INSL6: variants seen among roughly 807,000 people sequenced by gnomAD.
The protein encoded by INSL6 is insulin like 6.
Under a neutral mutation model 9.4 loss-of-function variants are expected in INSL6, and 16 were observed. That is an observed-to-expected ratio of 1.70 (90% CI 1.15 to 2.59). INSL6 has a LOEUF of 2.59. INSL6 is among the 30% of genes most tolerant of loss of function. The pLI is 0.00. For missense variants in INSL6, 391 were observed against 257.3 expected (o/e 1.52, Z -3.56); for synonymous variants, 154 against 96.9 (o/e 1.59, Z -3.46).
intron 1 of INSL6, among the ~76,000 whole-genome samples, chr9:5,172,735 C>G (rs745688782): frequency 2.6e-5 from 4 of 152,128 alleles, no homozygotes; most frequent in Non-Finnish European, 5.9e-5. Context: ...CGAGACCAGT[C>G]TGGCCAATGT....
At chr9:5,112,657 T>C in the INSL6 span, 1 of 975,102 alleles carries the variant, frequency 1.0e-6, no homozygotes, top group Non-Finnish European at 1.4e-6. Context: ...CCAAACTCCT[T>C]ATCCTGCACC....
chr9:5,011,739 A>G, the INSL6 span, among the ~76,000 whole-genome samples: 2 of 152,180 alleles, frequency 1.3e-5, no homozygotes, highest in African/African-American at 2.4e-5. Flanking sequence ...GTGGATTTCA[A>G]TCTTTCTCTG....
chr9:5,115,273 A>T, the INSL6 span, among the ~76,000 whole-genome samples: 2 of 152,196 alleles, frequency 1.3e-5, no homozygotes, highest in African/African-American at 4.8e-5. Flanking sequence ...CACTTCTCAA[A>T]AGAAGACATT....
At chr9:5,044,343 G>C in the INSL6 span, 1 of 994,858 alleles carries the variant, frequency 1.0e-6, no homozygotes, top group Non-Finnish European at 1.6e-6. Flanking sequence ...ACTATATATA[G>C]ATAGTACGTT....
chr9:5,120,267 G>A (rs1213766183), downstream of INSL6, among the ~76,000 whole-genome samples: 1 of 152,180 alleles, frequency 6.6e-6, no homozygotes, highest in African/African-American at 2.4e-5. Context: ...TATTCATGAG[G>A]GAGAAGCCCT....
the INSL6 span, chr9:5,055,651 A>C: frequency 6.6e-7 from 1 of 1,522,570 alleles, no homozygotes. Flanking sequence ...TTTTAATTTT[A>C]CATGCTTTTA....
chr9:5,130,948 C>T (rs1036377067), intron 3 of INSL6, among the ~76,000 whole-genome samples: 2 of 151,338 alleles, frequency 1.3e-5, no homozygotes, highest in African/African-American at 2.4e-5. Flanking sequence ...CCAGGATGGT[C>T]TCGATCTCCT....
the INSL6 span, among the ~76,000 whole-genome samples, chr9:5,045,966 G>C: frequency 1.3e-5 from 2 of 152,184 alleles, no homozygotes; most frequent in Non-Finnish European, 2.9e-5. Flanking sequence ...CTGCTACATT[G>C]TTTTCTGTAG....
intron 3 of INSL6, chr9:5,127,507 G>A (rs889130331): frequency 2.6e-5 from 6 of 230,974 alleles, no homozygotes; most frequent in African/African-American, 1.3e-4. Context: ...AGCTTACAAA[G>A]ATATAATCTA....
chr9:5,080,836 A>G, the INSL6 span, among the ~76,000 whole-genome samples: 8 of 150,894 alleles, frequency 5.3e-5, no homozygotes, highest in Non-Finnish European at 1.2e-4. Flanking sequence ...CATGCTTTAT[A>G]CATATTCTAA....
At chr9:5,112,435 CAAGAG>C in the INSL6 span, 1 of 517,934 alleles carries the variant, frequency 1.9e-6, no homozygotes, top group Non-Finnish European at 3.5e-6. Context: ...GCTGACCACT[CAAGAG>C]GAGAAGAAGG....
intron 2 of INSL6, among the ~76,000 whole-genome samples, chr9:5,149,972 C>T (rs115096807): frequency 0.013 from 1,941 of 152,208 alleles, 51 homozygotes; most frequent in African/African-American, 0.044. Context: ...TCTCTAACAA[C>T]GTTGACAAAA....
intron 1 of INSL6, among the ~76,000 whole-genome samples, chr9:5,169,398 C>T (rs922537071): frequency 6.6e-6 from 1 of 152,130 alleles, no homozygotes; most frequent in Non-Finnish European, 1.5e-5. Flanking sequence ...AAGGAAAAAC[C>T]ATTATCAGCC....
At chr9:5,171,466 C>G (rs1052052201) in intron 1 of INSL6, among the ~76,000 whole-genome samples, 1 of 152,088 alleles carries the variant, frequency 6.6e-6, no homozygotes, top group African/African-American at 2.4e-5. Context: ...AACATAGTAT[C>G]TGAAGTCCTG....
At chr9:5,064,885 A>C in the INSL6 span, 1 of 1,571,212 alleles carries the variant, frequency 6.4e-7, no homozygotes, top group Non-Finnish European at 8.6e-7. Flanking sequence ...CTGCTTAGGA[A>C]ATTGAACTTA....
chr9:5,183,511 T>C (rs1187712065), intron 1 of INSL6, among the ~76,000 whole-genome samples: 1 of 152,222 alleles, frequency 6.6e-6, no homozygotes, highest in Non-Finnish European at 1.5e-5. Flanking sequence ...AAAGGATCAT[T>C]AACAAGCTGA....
the INSL6 span, among the ~76,000 whole-genome samples, chr9:4,992,724 C>T: frequency 1.3e-5 from 2 of 152,112 alleles, no homozygotes; most frequent in African/African-American, 4.8e-5. Context: ...CATGAAGAGA[C>T]AGTTTATATG....
At chr9:5,058,041 T>G in the INSL6 span, among the ~76,000 whole-genome samples, 1 of 152,182 alleles carries the variant, frequency 6.6e-6, no homozygotes, top group South Asian at 2.1e-4. Flanking sequence ...TTTTAATATA[T>G]GTATGTATTC....
chr9:5,155,918 T>G (rs1824807195), intron 2 of INSL6, among the ~76,000 whole-genome samples: 1 of 151,490 alleles, frequency 6.6e-6, no homozygotes, highest in Non-Finnish European at 1.5e-5. Context: ...TAAAGTATAA[T>G]TTAAAAAAAG....
Sources: gnomAD v4.1 joint callset for allele counts (sites outside exome capture counted in the v4.1 genomes callset) on GRCh38, gnomAD v4.1.1 for gene constraint, MANE v1.5 for transcripts, NCBI Gene and HGNC (gene_info 2026-07-23, HGNC 2026-07-21) for gene names.